The following RGS22 variants were observed in gnomAD, a reference collection of about 807,000 sequenced individuals.
RGS22 encodes regulator of G-protein signaling 22.
In RGS22, 148 loss-of-function variants were observed where a neutral mutation model predicts 172.9. The ratio of observed to expected loss-of-function variants is 0.86; its 90% CI spans 0.75 to 0.98. The LOEUF is 0.98. Among genes scored for constraint, RGS22 ranks in the 50% least tolerant of loss-of-function variants. The pLI is 0.00. For synonymous variants in RGS22, 458 were observed against 480.2 expected, an observed-to-expected ratio of 0.95 and a Z score of 0.60; for missense variants, 1,347 against 1,440.8, an observed-to-expected ratio of 0.93 and a Z score of 1.05.
intron 24 of RGS22, among the ~76,000 whole-genome samples, chr8:99,965,032 C>T (rs1810582677): frequency 6.6e-6 from 1 of 152,170 alleles, no homozygotes. Flanking sequence ...TATATATATT[C>T]CATCTTGTTC....
At chr8:99,992,559 A>C (rs1187246408) in intron 20 of RGS22, among the ~76,000 whole-genome samples, 5 of 152,244 alleles carry the variant, frequency 3.3e-5, no homozygotes, top group Admixed American at 3.3e-4. Flanking sequence ...TTCAACAAGA[A>C]GAGCTAACTA....
rs972149083 is a variant in RGS22 at position 100,052,884 on chromosome 8, T to G, written c.1607A>C (p.Lys536Thr). ...FWHLRQAKPR[K>T]DIDPFPQMAT... ...CATTTGTGGAAAAGGGTCAATATCCTTCCTTGGTTTTGCTTGACGGAGGTG... is the reference window on the plus strand; with the variant it reads ...CATTTGTGGAAAAGGGTCAATATCCGTCCTTGGTTTTGCTTGACGGAGGTG... Residue 536 changes from lysine (K) to threonine (T), a missense_variant, in exon 10 of 28, where the codon AAG becomes ACG. Lys to Thr is a moderately conservative substitution (Grantham distance 78). Coordinates refer to ENST00000360863, the MANE Select transcript of RGS22 (RefSeq NM_015668.5). The G allele has an allele frequency of 1.9e-6, 3 of 1,614,008 alleles. No individual in the cohort carries two copies. Among genetic ancestry groups the G allele is most frequent in the Non-Finnish European group, 2.5e-6 (3 of 1,180,008 alleles).
At chr8:99,983,912 T>G (rs1030457422) in intron 21 of RGS22, among the ~76,000 whole-genome samples, 4 of 152,154 alleles carry the variant, frequency 2.6e-5, no homozygotes, top group Non-Finnish European at 5.9e-5. Context: ...TGGTATAAGT[T>G]AAGTGTGAAA....
In RGS22 at chr8:100,022,733, A is replaced by C. The variant is rs531630866; in HGVS notation, c.2167-14164T>G. Among the ~76,000 whole-genome samples, 273 of 152,100 alleles carry C rather than the reference A, an allele frequency of 1.8e-3. 1 individual carries two copies. The highest frequency in any genetic ancestry group is 5.8e-3 in the African/African-American group (242 of 41,510). On this transcript the variant is annotated intron_variant, in intron 14 of 27. Coordinates refer to ENST00000360863, the MANE Select transcript of RGS22 (RefSeq NM_015668.5). ...AATCAGTGAACAAAAAAATTCAATT[A>C]AATTAATTAATTAATTTATTTATTT...
chr8:99,977,080 A>G (rs984112787), intron 23 of RGS22, among the ~76,000 whole-genome samples: 2 of 151,992 alleles, frequency 1.3e-5, no homozygotes, highest in East Asian at 1.9e-4. Flanking sequence ...TGACTTGTTT[A>G]CACATTTCAC....
At chr8:100,053,099 A>G (rs1821857030) in intron 9 of RGS22, 123 bp from the exon 10 acceptor site, 3 of 851,260 alleles carry the variant, frequency 3.5e-6, no homozygotes, top group Non-Finnish European at 5.4e-6. Flanking sequence ...TTTTCTAACA[A>G]CTTTTACTTC....
chr8:100,044,723 A>G lies in RGS22; in HGVS notation c.1823+2740T>C, dbSNP rs183982016. 2.0e-5 allele frequency among the ~76,000 whole-genome samples: 3 copies of G among 147,680 alleles called. No homozygotes were observed. In the East Asian group the frequency reaches 6.0e-4, roughly 29 times the overall value. ...AAACCTTGATAACTTAGTTCTCACT[A>G]TATACTGCTCCTTCTCTCTCTCATG... On this transcript the variant is annotated intron_variant, in intron 11 of 27. Coordinates refer to ENST00000360863, the MANE Select transcript of RGS22 (RefSeq NM_015668.5).
At chr8:100,081,283 T>C (rs1300844107) in intron 3 of RGS22, among the ~76,000 whole-genome samples, 1 of 151,706 alleles carries the variant, frequency 6.6e-6, no homozygotes, top group African/African-American at 2.4e-5. Flanking sequence ...CTAGATATAC[T>C]ATAGTCATAA....
At chr8:100,009,973 A>G (rs1362266574) in intron 14 of RGS22, among the ~76,000 whole-genome samples, 1 of 152,228 alleles carries the variant, frequency 6.6e-6, no homozygotes, top group East Asian at 1.9e-4. Flanking sequence ...GGTAAGTGCT[A>G]TAAGAGAGGT....
chr8:100,074,928 C>T (rs181013444), intron 4 of RGS22, among the ~76,000 whole-genome samples: 331 of 152,038 alleles, frequency 2.2e-3, no homozygotes, highest in African/African-American at 6.8e-3. Context: ...CCACCACGCC[C>T]GGCTAATTTT....
intron 14 of RGS22, among the ~76,000 whole-genome samples, chr8:100,037,159 A>G (rs550946546): frequency 1.3e-5 from 2 of 152,060 alleles, no homozygotes; most frequent in Non-Finnish European, 2.9e-5. Flanking sequence ...AAAGTTGGGC[A>G]TGGTGGTGCA....
intron 23 of RGS22, among the ~76,000 whole-genome samples, chr8:99,970,540 AG>A (rs1811224898): frequency 1.3e-5 from 2 of 152,212 alleles, no homozygotes; most frequent in Admixed American, 6.5e-5. Flanking sequence ...AAAATGATAA[AG>A]GGGATATCAG....
intron 13 of RGS22, among the ~76,000 whole-genome samples, chr8:100,039,394 T>C (rs1819866328): frequency 1.3e-5 from 2 of 151,422 alleles, no homozygotes; most frequent in Non-Finnish European, 2.9e-5. Context: ...TTTTTTTTTT[T>C]TGAGACAGTG....
At chr8:100,105,252 G>A in intron 2 of RGS22, 122 bp downstream of exon 2, 2 of 768,134 alleles carry the variant, frequency 2.6e-6, no homozygotes, top group Non-Finnish European at 4.5e-6. Context: ...TATTACAATT[G>A]TTACTAAACC....
rs558752142 is a variant in RGS22, at chr8:100,014,211, G to A, written c.2167-5642C>T. Among the ~76,000 whole-genome samples, 6 of 152,238 alleles carry A rather than the reference G, an allele frequency of 3.9e-5. 1 individual carries two copies. The highest frequency in any genetic ancestry group is 4.1e-4 in the South Asian group (2 of 4,826). Reference sequence around the variant, plus strand: ...AATCCTAAGCCATTCAGGTGTGCTCGACCATGTTCCTCCAGAGCCTGTAAC... The same window carrying A: ...AATCCTAAGCCATTCAGGTGTGCTCAACCATGTTCCTCCAGAGCCTGTAAC... On this transcript the variant is annotated intron_variant, in intron 14 of 27. Transcript: ENST00000360863.
rs192410485 is a variant in RGS22, at chr8:100,097,997, C to A, written c.55-4488G>T. 4.6e-5 allele frequency among the ~76,000 whole-genome samples: 7 copies of A among 152,306 alleles called. No individual in the cohort carries two copies. In the East Asian group the frequency reaches 1.4e-3, roughly 29 times the overall value. ...CTCATACTACACGCTGTGGTCATAG[C>A]AATTTTTTTATAGTTCTGCACCTTG... On this transcript the variant is annotated intron_variant, in intron 2 of 27. Transcript: ENST00000360863.
intron 4 of RGS22, among the ~76,000 whole-genome samples, chr8:100,079,548 T>C (rs998827712): frequency 5.9e-5 from 9 of 152,316 alleles, no homozygotes; most frequent in Admixed American, 3.3e-4. Flanking sequence ...TTTCATTTCA[T>C]CCACACAAGA....
At chr8:100,035,719 C>G (rs1819376036) in intron 14 of RGS22, among the ~76,000 whole-genome samples, 2 of 152,134 alleles carry the variant, frequency 1.3e-5, no homozygotes, top group Admixed American at 1.3e-4. Context: ...AAATGTCCAT[C>G]AATGATAGAC....
At chr8:100,029,203 G>A (rs1455334250) in intron 14 of RGS22, among the ~76,000 whole-genome samples, 1 of 152,124 alleles carries the variant, frequency 6.6e-6, no homozygotes, top group Non-Finnish European at 1.5e-5. Context: ...CCCCAGTCGA[G>A]CCCCAGATGA....
Sources: allele counts gnomAD v4.1 joint callset (sites outside exome capture counted in the v4.1 genomes callset), GRCh38; gene constraint gnomAD v4.1.1; transcripts MANE v1.5; gene names NCBI Gene and HGNC (gene_info 2026-07-23, HGNC 2026-07-21).